Variants in ARID2 observed in about 807,000 individuals in gnomAD.
ARID2 encodes AT-rich interactive domain-containing protein 2.
In ARID2, 32 loss-of-function variants were observed where a neutral mutation model predicts 184.6. The observed-to-expected ratio is 0.17, with a 90% CI of 0.13 to 0.23. ARID2 has a LOEUF of 0.23. ARID2 is among the 10% of genes least tolerant of loss of function. The pLI is 1.00. For missense variants in ARID2, 1,696 were observed against 2,197.6 expected, an observed-to-expected ratio of 0.77 and a Z score of 4.56; for synonymous variants, 836 against 772.6, an observed-to-expected ratio of 1.08 and a Z score of -1.36.
chr12:45,738,864 C>T (rs1941185338), intron 3 of ARID2, among the ~76,000 whole-genome samples: 2 of 132,854 alleles, frequency 1.5e-5, no homozygotes, highest in South Asian at 4.9e-4. Context: ...GCCACAGTTG[C>T]TAGTCAGGAA....
intron 3 of ARID2, among the ~76,000 whole-genome samples, chr12:45,746,516 T>C (rs568089748): frequency 3.9e-5 from 6 of 152,328 alleles, no homozygotes; most frequent in Admixed American, 3.3e-4. Flanking sequence ...ATTTTTCTTA[T>C]GAAACTTTAA....
At chr12:45,754,796 A>G (rs760310906) in intron 3 of ARID2, among the ~76,000 whole-genome samples, 1 of 152,212 alleles carries the variant, frequency 6.6e-6, no homozygotes, top group Non-Finnish European at 1.5e-5. Flanking sequence ...TAGTAGCCCT[A>G]ACATCATAAC....
chr12:45,851,029 C>T lies in ARID2; in HGVS notation c.2906C>T (p.Thr969Ile), dbSNP rs2138167198. ...CAGCTAACTGGACAACCTAACATAACTCCATCTTCTTCACCATCACCTGTC... is the reference window on the plus strand; with the variant it reads ...CAGCTAACTGGACAACCTAACATAATTCCATCTTCTTCACCATCACCTGTC... ...TVQLTGQPNITPSSSPSPVPA... is the reference protein window; with the variant it reads ...TVQLTGQPNIIPSSSPSPVPA... The change falls in exon 15 of 21, where the codon ACT (threonine) becomes ATT (isoleucine). Residue 969 changes from threonine (T) to isoleucine (I), a missense_variant. Thr to Ile is a moderately conservative substitution (Grantham distance 89). Coordinates refer to ENST00000334344, the MANE Select transcript of ARID2 (RefSeq NM_152641.4). 1 of 1,614,156 alleles carries T rather than the reference C, an allele frequency of 6.2e-7. No homozygotes were observed. Among genetic ancestry groups the T allele is most frequent in the Non-Finnish European group, 8.5e-7 (1 of 1,180,002 alleles).
rs573744196 is a variant in ARID2, at chr12:45,764,354, C to G, written c.284+33040C>G. Among the ~76,000 whole-genome samples the G allele has an allele frequency of 4.6e-5, 7 of 151,712 alleles. No homozygotes were observed. In the South Asian group the frequency reaches 1.5e-3, roughly 32 times the overall value. On this transcript the variant is annotated intron_variant, in intron 3 of 20. Coordinates refer to ENST00000334344, the MANE Select transcript of ARID2 (RefSeq NM_152641.4). Reference sequence around the variant, plus strand: ...CTTGACATTACTTAAGTAGTGAAATCATTCCCCCCTTTTTATTAAATATAA... The same window carrying G: ...CTTGACATTACTTAAGTAGTGAAATGATTCCCCCCTTTTTATTAAATATAA...
At chr12:45,872,824 A>C (rs1254159597) in intron 16 of ARID2, among the ~76,000 whole-genome samples, 1 of 152,248 alleles carries the variant, frequency 6.6e-6, no homozygotes, top group African/African-American at 2.4e-5. Context: ...TGGATGTTCC[A>C]TGTGAGCTTG....
At chr12:45,876,815 C>T (rs1411698279) in intron 16 of ARID2, among the ~76,000 whole-genome samples, 3 of 146,158 alleles carry the variant, frequency 2.1e-5, no homozygotes, top group Admixed American at 6.7e-5. Flanking sequence ...AAAGGCCGGG[C>T]GTGGTGGCTC....
chr12:45,897,688 A>C (rs1280645578), intron 20 of ARID2, among the ~76,000 whole-genome samples: 2 of 152,220 alleles, frequency 1.3e-5, no homozygotes. Context: ...ATAAGAGACA[A>C]AAATTGGTGT....
chr12:45,893,584 C>A (rs750650671), intron 19 of ARID2, 41 bp downstream of exon 19: 2 of 1,608,130 alleles, frequency 1.2e-6, no homozygotes, highest in Non-Finnish European at 1.7e-6. Flanking sequence ...AAGTCTGAGT[C>A]CTGTATGATT....
intron 3 of ARID2, among the ~76,000 whole-genome samples, chr12:45,768,553 A>G (rs886510402): frequency 2.6e-5 from 4 of 152,182 alleles, no homozygotes; most frequent in African/African-American, 7.2e-5. Context: ...TCTCTTTCTA[A>G]AGCAACTAAC....
chr12:45,821,551 A>G (rs1264653348), intron 6 of ARID2, 64 bp downstream of exon 6: 7 of 1,030,690 alleles, frequency 6.8e-6, no homozygotes, highest in Admixed American at 5.8e-5. Context: ...ACAATAGATC[A>G]GTGGTTGCTT....
intron 3 of ARID2, among the ~76,000 whole-genome samples, chr12:45,798,852 T>C (rs1219464889): frequency 6.6e-6 from 1 of 152,030 alleles, no homozygotes; most frequent in Non-Finnish European, 1.5e-5. Flanking sequence ...TCCATCCAGC[T>C]TTAAATCCAG....
At chr12:45,763,117 T>C (rs1941710131) in intron 3 of ARID2, among the ~76,000 whole-genome samples, 1 of 152,236 alleles carries the variant, frequency 6.6e-6, no homozygotes. Flanking sequence ...TGTGTATTAC[T>C]ATTCTTCAAA....
At chr12:45,837,139 T>G in intron 8 of ARID2, 148 bp downstream of exon 8, 2 of 1,215,046 alleles carry the variant, frequency 1.6e-6, no homozygotes, top group Non-Finnish European at 2.3e-6. Flanking sequence ...TGTAGAAGTA[T>G]CACATACTTT....
At chr12:45,810,451 T>C (rs1448774930) in intron 3 of ARID2, among the ~76,000 whole-genome samples, 3 of 152,194 alleles carry the variant, frequency 2.0e-5, no homozygotes, top group Non-Finnish European at 4.4e-5. Flanking sequence ...ATCATACCTT[T>C]CTAATATCAA....
chr12:45,884,940 T>C (rs1944163939), intron 16 of ARID2, among the ~76,000 whole-genome samples: 1 of 152,180 alleles, frequency 6.6e-6, no homozygotes, highest in Admixed American at 6.6e-5. Flanking sequence ...GAGAATTCAT[T>C]CTTGTAGGAA....
chr12:45,787,005 G>A (rs185746676), intron 3 of ARID2, among the ~76,000 whole-genome samples: 104 of 152,140 alleles, frequency 6.8e-4, no homozygotes, highest in Admixed American at 2.0e-3. Context: ...GGGAGATGTC[G>A]GTCAAAGGTT....
At chr12:45,768,538 C>A (rs1238334009) in intron 3 of ARID2, among the ~76,000 whole-genome samples, 1 of 152,194 alleles carries the variant, frequency 6.6e-6, no homozygotes, top group Non-Finnish European at 1.5e-5. Context: ...AGACAGAGTT[C>A]TAAATCTCTT....
chr12:45,902,370 G>T (rs544529954), intron 20 of ARID2, among the ~76,000 whole-genome samples: 6 of 152,110 alleles, frequency 3.9e-5, no homozygotes, highest in African/African-American at 1.4e-4. Flanking sequence ...TTTTATCCAT[G>T]CAATATTCAA....
At chr12:45,835,430 TTGA>T (rs979344195) in intron 6 of ARID2, among the ~76,000 whole-genome samples, 9 of 152,178 alleles carry the variant, frequency 5.9e-5, no homozygotes, top group Non-Finnish European at 1.2e-4. Flanking sequence ...ATGGATTTCT[TTGA>T]TGATCACATG....
Sources: gnomAD v4.1 joint callset for allele counts (sites outside exome capture counted in the v4.1 genomes callset) on GRCh38, gnomAD v4.1.1 for gene constraint, MANE v1.5 for transcripts, NCBI Gene and HGNC (gene_info 2026-07-23, HGNC 2026-07-21) for gene names.